The following CYRIB variants were observed in gnomAD, a reference collection of about 807,000 sequenced individuals.
CYRIB encodes CYFIP related Rac1 interactor B.
A neutral mutation model predicts 44.2 loss-of-function variants in CYRIB; 8 were observed. That is an observed-to-expected ratio of 0.18 (90% CI 0.11 to 0.33). The LOEUF (loss-of-function observed/expected upper bound fraction) is 0.33. CYRIB is among the 10% of genes least tolerant of loss of function. CYRIB has a pLI of 1.00. For synonymous variants in CYRIB, 131 were observed against 127.2 expected, an observed-to-expected ratio of 1.03 and a Z score of -0.20; for missense variants, 185 against 382.8, an observed-to-expected ratio of 0.48 and a Z score of 4.31.
intron 4 of CYRIB, among the ~76,000 whole-genome samples, chr8:129,867,368 AC>A (rs1426629955): frequency 6.8e-6 from 1 of 146,670 alleles, no homozygotes; most frequent in Non-Finnish European, 1.5e-5. Context: ...CAGGTGATAC[AC>A]CTGTCTTGGC....
chr8:129,924,590 A>T (rs1209039932), intron 1 of CYRIB, among the ~76,000 whole-genome samples: 3 of 152,178 alleles, frequency 2.0e-5, no homozygotes, highest in Admixed American at 2.0e-4. Flanking sequence ...CTGTAGCCAT[A>T]GTTAATGTCC....
chr8:129,987,921 C>T (rs1244192949), intron 1 of CYRIB, among the ~76,000 whole-genome samples: 1 of 152,224 alleles, frequency 6.6e-6, no homozygotes, highest in Non-Finnish European at 1.5e-5. Flanking sequence ...GGCCTACAGA[C>T]TGGGACGCAA....
At chr8:129,851,081 G>C in intron 8 of CYRIB, 167 bp from the exon 11 acceptor site, 1 of 590,618 alleles carries the variant, frequency 1.7e-6, no homozygotes, top group South Asian at 2.0e-5. Flanking sequence ...CCAAGCACTG[G>C]GGATACAGCT....
chr8:129,880,430 C>A, intron 2 of CYRIB: 2 of 985,804 alleles, frequency 2.0e-6, no homozygotes, highest in Non-Finnish European at 2.4e-6. Flanking sequence ...CTGGTTAGCA[C>A]CTTAATGAGA....
chr8:129,943,385 G>A (rs1470875366), upstream of CYRIB, among the ~76,000 whole-genome samples: 1 of 151,168 alleles, frequency 6.6e-6, no homozygotes, highest in Non-Finnish European at 1.5e-5. Context: ...TCAGGAGTTC[G>A]AGATGGCCTA....
At chr8:129,990,013 T>A (rs1336717141) in intron 1 of CYRIB, among the ~76,000 whole-genome samples, 1 of 152,122 alleles carries the variant, frequency 6.6e-6, no homozygotes, top group Non-Finnish European at 1.5e-5. Context: ...ATGGTGTATA[T>A]ATGTGCCCTT....
At chr8:129,970,633 C>CA (rs1564510024) in intron 2 of CYRIB, 1 of 151,928 alleles carries the variant, frequency 6.6e-6, no homozygotes, top group Non-Finnish European at 1.5e-5. Flanking sequence ...GTGATCCACC[C>CA]ACCTCAGCCT....
At chr8:129,854,708 C>G (rs748792505) in intron 6 of CYRIB, among the ~76,000 whole-genome samples, 1 of 152,178 alleles carries the variant, frequency 6.6e-6, no homozygotes, top group Non-Finnish European at 1.5e-5. Context: ...TAGAATTTTA[C>G]ATACAAATCT....
At chr8:129,898,167 GA>G (rs1348080896) in intron 2 of CYRIB, among the ~76,000 whole-genome samples, 1 of 151,928 alleles carries the variant, frequency 6.6e-6, no homozygotes, top group African/African-American at 2.4e-5. Context: ...AAGGGCAGTG[GA>G]AACTTTTTTC....
At position 129,884,517 on chromosome 8, in the gene CYRIB, A is replaced by T. The variant is rs1588556111; in HGVS notation, c.-10-5046T>A. 3.9e-5 allele frequency among the ~76,000 whole-genome samples: 6 copies of T among 151,916 alleles called. No homozygotes were observed. In the South Asian group the frequency reaches 1.2e-3, roughly 32 times the overall value. On this transcript the variant is annotated intron_variant, in intron 2 of 11. Transcript: ENST00000519824. ...TGGTCAGGCTGGTCTCAAACTCCCA[A>T]CCGCAGGTGACCTACCCGCCTCAGC...
intron 1 of CYRIB, among the ~76,000 whole-genome samples, chr8:129,905,935 A>G (rs918142467): frequency 1.3e-5 from 2 of 152,204 alleles, no homozygotes; most frequent in Non-Finnish European, 2.9e-5. Flanking sequence ...GTTAAGTGTT[A>G]AAATTTACTT....
At chr8:129,896,835 A>C (rs1263179599) in intron 2 of CYRIB, 3 of 152,242 alleles carry the variant, frequency 2.0e-5, no homozygotes, top group Non-Finnish European at 4.4e-5. Context: ...GAAAAGGAGA[A>C]AGCGCAGGAA....
chr8:129,980,539 C>T (rs1212087777), intron 1 of CYRIB, among the ~76,000 whole-genome samples: 1 of 152,076 alleles, frequency 6.6e-6, no homozygotes, highest in East Asian at 1.9e-4. Context: ...TGGCTCACGC[C>T]TGTAATCCCA....
At chr8:129,869,258 T>C (rs2055758673) in intron 4 of CYRIB, among the ~76,000 whole-genome samples, 1 of 151,066 alleles carries the variant, frequency 6.6e-6, no homozygotes, top group South Asian at 2.1e-4. Context: ...TGGTGGTGCA[T>C]GCCTGTAATC....
At chr8:129,857,707 A>G (rs997749006) in intron 5 of CYRIB, among the ~76,000 whole-genome samples, 2 of 152,212 alleles carry the variant, frequency 1.3e-5, no homozygotes, top group African/African-American at 4.8e-5. Flanking sequence ...AAGATCAATT[A>G]AAAGTCAAAC....
At chr8:129,967,389 T>TTTTTTTTGG (rs1175210743) in intron 2 of CYRIB, among the ~76,000 whole-genome samples, 12 of 151,298 alleles carry the variant, frequency 7.9e-5, no homozygotes, top group African/African-American at 2.9e-4. Flanking sequence ...GTTTTTTTGT[T>TTTTTTTTGG]TTTTTTTTGA....
chr8:129,932,302 GA>G (rs2091742013), intron 1 of CYRIB, among the ~76,000 whole-genome samples: 1 of 152,118 alleles, frequency 6.6e-6, no homozygotes. Context: ...AATGTTTGTA[GA>G]GTGAACAGTC....
intron 2 of CYRIB, among the ~76,000 whole-genome samples, chr8:129,967,035 A>T (rs556258410): frequency 6.6e-6 from 1 of 152,316 alleles, no homozygotes; most frequent in East Asian, 1.9e-4. Flanking sequence ...AGTGTTTTTT[A>T]AAAAATTAGT....
chr8:129,981,683 A>C (rs1246913152), intron 1 of CYRIB, among the ~76,000 whole-genome samples: 1 of 152,186 alleles, frequency 6.6e-6, no homozygotes, highest in Non-Finnish European at 1.5e-5. Context: ...TAGGTGAGGG[A>C]ATCTAAAGTC....
Sources: allele counts gnomAD v4.1 joint callset (sites outside exome capture counted in the v4.1 genomes callset), GRCh38; gene constraint gnomAD v4.1.1; transcripts MANE v1.5; gene names NCBI Gene and HGNC (gene_info 2026-07-23, HGNC 2026-07-21).